Variants in LMX1A observed in about 807,000 individuals in gnomAD.
The protein encoded by LMX1A is LIM homeobox transcription factor 1-alpha.
Under a neutral mutation model 49.1 loss-of-function variants are expected in LMX1A, and 15 were observed. That is an observed-to-expected ratio of 0.31 (90% confidence interval 0.20 to 0.47). LMX1A has a LOEUF of 0.47. LMX1A is among the 20% of genes least tolerant of loss of function. The pLI, the probability that LMX1A is intolerant of heterozygous loss-of-function variation, is 1.00. For synonymous variants in LMX1A, 167 were observed against 185.7 expected (o/e 0.90, Z 0.82); for missense variants, 372 against 475.8 (o/e 0.78, Z 2.03).
chr1:165,258,983 A>G (rs1306882750), intron 3 of LMX1A, among the ~76,000 whole-genome samples: 1 of 152,246 alleles, frequency 6.6e-6, no homozygotes, highest in Non-Finnish European at 1.5e-5. Context: ...TAAGTAGTGT[A>G]TTTTAAGTAT....
chr1:165,302,309 T>C (rs1009240972), intron 3 of LMX1A, among the ~76,000 whole-genome samples: 3 of 152,010 alleles, frequency 2.0e-5, no homozygotes, highest in Non-Finnish European at 2.9e-5. Context: ...CCGGGTGTTG[T>C]GGTGCATGCG....
intron 3 of LMX1A, among the ~76,000 whole-genome samples, chr1:165,266,690 C>A (rs936373184): frequency 6.6e-6 from 1 of 150,772 alleles, no homozygotes; most frequent in Non-Finnish European, 1.5e-5. Flanking sequence ...CCAGCTCCGC[C>A]TCCCGGGTTC....
chr1:165,240,091 A>G (rs1382827816), intron 4 of LMX1A, among the ~76,000 whole-genome samples: 1 of 152,214 alleles, frequency 6.6e-6, no homozygotes, highest in Non-Finnish European at 1.5e-5. Flanking sequence ...GGAATAGACA[A>G]TATCAGCACA....
chr1:165,243,698 G>A (rs553810807), intron 4 of LMX1A, among the ~76,000 whole-genome samples: 7 of 152,308 alleles, frequency 4.6e-5, no homozygotes, highest in South Asian at 2.1e-4. Flanking sequence ...CCGAAAGTAC[G>A]GCCAAGACCA....
At chr1:165,235,592 G>T (rs984504308) in intron 4 of LMX1A, among the ~76,000 whole-genome samples, 37 of 152,176 alleles carry the variant, frequency 2.4e-4, no homozygotes, top group African/African-American at 8.7e-4. Flanking sequence ...CCCTAATCCC[G>T]GGCCCGCCTG....
At chr1:165,234,019 C>G (rs1652332015) in intron 4 of LMX1A, among the ~76,000 whole-genome samples, 1 of 152,208 alleles carries the variant, frequency 6.6e-6, no homozygotes, top group Non-Finnish European at 1.5e-5. Context: ...CCCCACTCCT[C>G]TTTTGAAAAA....
intron 3 of LMX1A, among the ~76,000 whole-genome samples, chr1:165,262,766 C>T (rs1019909241): frequency 6.6e-6 from 1 of 152,138 alleles, no homozygotes; most frequent in Non-Finnish European, 1.5e-5. Flanking sequence ...ATACTCCTCT[C>T]TTGATTCCAT....
At chr1:165,315,735 A>G (rs1309770806) in intron 3 of LMX1A, among the ~76,000 whole-genome samples, 5 of 152,120 alleles carry the variant, frequency 3.3e-5, no homozygotes, top group African/African-American at 1.2e-4. Flanking sequence ...AGGAGGCACC[A>G]TGCGGTTTCA....
At chr1:165,244,105 A>G (rs967464080) in intron 4 of LMX1A, among the ~76,000 whole-genome samples, 1 of 152,194 alleles carries the variant, frequency 6.6e-6, no homozygotes, top group Non-Finnish European at 1.5e-5. Flanking sequence ...AACTCCCACA[A>G]AAACTCAGAA....
chr1:165,315,707 A>T (rs961877932), intron 3 of LMX1A, among the ~76,000 whole-genome samples: 6 of 152,176 alleles, frequency 3.9e-5, no homozygotes, highest in Admixed American at 3.3e-4. Flanking sequence ...ACCCCCAGGA[A>T]AAACCTCAAA....
intron 3 of LMX1A, among the ~76,000 whole-genome samples, chr1:165,339,052 G>A (rs1390341247): frequency 6.6e-6 from 1 of 152,174 alleles, no homozygotes; most frequent in Non-Finnish European, 1.5e-5. Context: ...GCAATAAATG[G>A]GATCATCTCA....
In LMX1A at chr1:165,225,599, C is replaced by T. The variant is rs543904203; in HGVS notation, c.497-11786G>A. ...GGTTAGAGGAAAAACATTGTTACTC[C>T]GAACCTAAGACCGCTGTAATTATAG... is the stretch of plus-strand genomic sequence containing the variant. On this transcript the variant is annotated intron_variant, in intron 4 of 8. Coordinates refer to ENST00000342310, the MANE Select transcript of LMX1A (RefSeq NM_177398.4). 5.3e-5 allele frequency among the ~76,000 whole-genome samples: 8 copies of T among 152,274 alleles called. No individual in the cohort carries two copies. In the South Asian group the frequency reaches 8.3e-4, roughly 16 times the overall value.
At chr1:165,241,451 A>G (rs900404543) in intron 4 of LMX1A, among the ~76,000 whole-genome samples, 7 of 152,188 alleles carry the variant, frequency 4.6e-5, no homozygotes, top group Non-Finnish European at 4.4e-5. Context: ...TTCTACAGCA[A>G]CCCACAAAGG....
rs183699983 is a variant in LMX1A, at chr1:165,324,250, C to T, written c.263+28826G>A. On this transcript the variant is annotated intron_variant, in intron 3 of 8. Coordinates refer to ENST00000342310, the MANE Select transcript of LMX1A (RefSeq NM_177398.4). The stretch of plus-strand genomic sequence containing the variant: ...TGTGAAAACTAACGCCCACCTAGGG[C>T]TGAACATCCGAGCTGTGAGCAGCTG... 1.9e-4 allele frequency among the ~76,000 whole-genome samples: 29 copies of T among 152,338 alleles called. No homozygotes were observed. The East Asian group carries it at 5.4e-3, about 28-fold the overall frequency.
At chr1:165,318,789 T>C (rs1655292871) in intron 3 of LMX1A, among the ~76,000 whole-genome samples, 1 of 152,108 alleles carries the variant, frequency 6.6e-6, no homozygotes, top group East Asian at 1.9e-4. Flanking sequence ...TAAAGACCTA[T>C]GTGCTAAAGA....
chr1:165,273,635 T>G (rs956549127), intron 3 of LMX1A, among the ~76,000 whole-genome samples: 1 of 152,246 alleles, frequency 6.6e-6, no homozygotes, highest in African/African-American at 2.4e-5. Context: ...ATATACTATC[T>G]TATTTGTAAT....
chr1:165,288,373 A>G (rs76648048), intron 3 of LMX1A, among the ~76,000 whole-genome samples: 2,573 of 152,298 alleles, frequency 0.017, 44 homozygotes, highest in Middle Eastern at 0.024. Flanking sequence ...GTGACTAGCT[A>G]TGGGAGTCAA....
intron 3 of LMX1A, among the ~76,000 whole-genome samples, chr1:165,264,396 C>T (rs987799581): frequency 5.3e-5 from 8 of 151,738 alleles, no homozygotes; most frequent in Non-Finnish European, 1.0e-4. Context: ...TGTGTACAGA[C>T]ATGCATAAAG....
At chr1:165,356,248 C>T (rs1557895408) in intron 1 of LMX1A, 107 bp downstream of exon 1, 2 of 152,412 alleles carry the variant, frequency 1.3e-5, no homozygotes, top group Admixed American at 6.5e-5. Flanking sequence ...AGAGTCGCCT[C>T]GGGGAGGAGC....
Sources: gnomAD v4.1 joint callset for allele counts (sites outside exome capture counted in the v4.1 genomes callset) on GRCh38, gnomAD v4.1.1 for gene constraint, MANE v1.5 for transcripts, NCBI Gene and HGNC (gene_info 2026-07-23, HGNC 2026-07-21) for gene names.